The following CTNND2 variants were observed in gnomAD, a reference collection of about 807,000 sequenced individuals.
CTNND2 encodes catenin delta-2.
CTNND2 carries 22 observed loss-of-function variants against 144.4 expected under a neutral mutation model. The ratio of observed to expected loss-of-function variants is 0.15; its 90% CI spans 0.11 to 0.22. The LOEUF (loss-of-function observed/expected upper bound fraction) is 0.22. Among genes scored for constraint, CTNND2 ranks in the 10% least tolerant of loss-of-function variants. The pLI is 1.00. For missense variants in CTNND2, 1,353 were observed against 1,618.8 expected, an observed-to-expected ratio of 0.84 and a Z score of 2.82; for synonymous variants, 751 against 695.6, an observed-to-expected ratio of 1.08 and a Z score of -1.25.
intron 12 of CTNND2, among the ~76,000 whole-genome samples, chr5:11,125,143 A>G (rs1299789958): frequency 2.0e-5 from 3 of 152,162 alleles, no homozygotes; most frequent in Non-Finnish European, 4.4e-5. Flanking sequence ...GGGGTGGGGA[A>G]GGAAGGGGTG....
intron 18 of CTNND2, among the ~76,000 whole-genome samples, chr5:10,999,448 A>G (rs967178554): frequency 6.6e-6 from 1 of 152,196 alleles, no homozygotes; most frequent in African/African-American, 2.4e-5. Flanking sequence ...CCACCTGTAC[A>G]GCTCATAGGG....
intron 3 of CTNND2, among the ~76,000 whole-genome samples, chr5:11,554,901 TA>T (rs1561549780): frequency 9.4e-5 from 13 of 137,574 alleles, no homozygotes; most frequent in Admixed American, 8.3e-4. Context: ...ATGTACTGTA[TA>T]AATCAATTAT....
chr5:11,724,170 T>TC (rs398083925), intron 2 of CTNND2, among the ~76,000 whole-genome samples: 3 of 115,938 alleles, frequency 2.6e-5, no homozygotes, highest in Non-Finnish European at 4.2e-5. Context: ...TAGTTAACTA[T>TC]TGAAAGGTTT....
intron 2 of CTNND2, among the ~76,000 whole-genome samples, chr5:11,587,054 T>C (rs1778918803): frequency 6.6e-6 from 1 of 152,176 alleles, no homozygotes; most frequent in Non-Finnish European, 1.5e-5. Context: ...AAACTCTTTA[T>C]TTGGATCACA....
chr5:11,763,249 T>A (rs561268194), intron 1 of CTNND2, among the ~76,000 whole-genome samples: 13 of 152,288 alleles, frequency 8.5e-5, no homozygotes, highest in African/African-American at 3.1e-4. Context: ...CTTTTCTTTA[T>A]AAATTACCCA....
At chr5:11,327,428 G>C (rs1752639765) in intron 9 of CTNND2, among the ~76,000 whole-genome samples, 2 of 152,184 alleles carry the variant, frequency 1.3e-5, no homozygotes, top group Admixed American at 6.5e-5. Context: ...AATAGTTCCT[G>C]TGAGAAAAAT....
chr5:11,506,634 T>C (rs114323058), intron 3 of CTNND2, among the ~76,000 whole-genome samples: 1 of 152,238 alleles, frequency 6.6e-6, no homozygotes, highest in Non-Finnish European at 1.5e-5. Context: ...TTAGTATGCA[T>C]ATGTGTCCCA....
At position 11,518,732 on chromosome 5, in the gene CTNND2, A is replaced by G. The variant is rs187401035; in HGVS notation, c.287+46212T>C. Among the ~76,000 whole-genome samples the G allele has an allele frequency of 2.3e-3, 343 of 152,312 alleles. 1 individual carries two copies. The highest frequency in any genetic ancestry group is 7.8e-3 in the African/African-American group (326 of 41,576). The stretch of plus-strand genomic sequence containing the variant: ...GTGTTACAACTGCCTACAGTATTCA[A>G]TACAGTAACCTGCTGTACAGGTTTA... On this transcript the variant is annotated intron_variant, in intron 3 of 21. Transcript: ENST00000304623.
rs143134091 is a variant in CTNND2, at chr5:10,997,880, A to T, written c.3085-5203T>A. Among the ~76,000 whole-genome samples the T allele has an allele frequency of 3.3e-4, 51 of 152,348 alleles. No homozygotes were observed. In the East Asian group the frequency reaches 9.4e-3, roughly 28 times the overall value. On this transcript the variant is annotated intron_variant, in intron 18 of 21. Transcript: ENST00000304623. Reference sequence around the variant, plus strand: ...TTATTATGTTCTAAGACCTAAGGACACACTAGACCTAAATGTGGCACAGCT... The same window carrying T: ...TTATTATGTTCTAAGACCTAAGGACTCACTAGACCTAAATGTGGCACAGCT...
At chr5:11,452,837 T>C (rs1408953087) in intron 3 of CTNND2, among the ~76,000 whole-genome samples, 1 of 152,216 alleles carries the variant, frequency 6.6e-6, no homozygotes, top group Non-Finnish European at 1.5e-5. Context: ...TGTGCGCACA[T>C]TTGTCTGAAG....
At chr5:11,523,815 C>T (rs1052329417) in intron 3 of CTNND2, among the ~76,000 whole-genome samples, 1 of 152,118 alleles carries the variant, frequency 6.6e-6, no homozygotes, top group African/African-American at 2.4e-5. Context: ...GTGCCCTTGA[C>T]CACTCTGCCC....
chr5:11,308,392 C>T (rs972213801), intron 9 of CTNND2, among the ~76,000 whole-genome samples: 1 of 152,190 alleles, frequency 6.6e-6, no homozygotes, highest in Non-Finnish European at 1.5e-5. Context: ...TCTGCTGTTA[C>T]AGTGCTGCAA....
chr5:11,101,887 ATGTGTGTGTGTGTGTGTGTG>A (rs201704440), intron 14 of CTNND2, among the ~76,000 whole-genome samples: 4 of 145,188 alleles, frequency 2.8e-5, no homozygotes, highest in African/African-American at 1.0e-4. Context: ...ACGACCACAT[ATGTGTGTGTGTGTGTGTGTG>A]TGTGTGTGTG....
At chr5:11,604,401 A>G (rs1245511818) in intron 2 of CTNND2, among the ~76,000 whole-genome samples, 1 of 152,196 alleles carries the variant, frequency 6.6e-6, no homozygotes, top group African/African-American at 2.4e-5. Context: ...GTGGAAAGGA[A>G]AGCACTATTG....
intron 11 of CTNND2, among the ~76,000 whole-genome samples, chr5:11,185,219 T>G (rs1735505935): frequency 6.6e-6 from 1 of 152,208 alleles, no homozygotes; most frequent in Non-Finnish European, 1.5e-5. Context: ...AACTGAAGTT[T>G]CTCTTTCCTC....
intron 3 of CTNND2, among the ~76,000 whole-genome samples, chr5:11,547,456 T>C (rs1184740530): frequency 6.6e-6 from 1 of 152,048 alleles, no homozygotes; most frequent in Admixed American, 6.6e-5. Flanking sequence ...AAGCATTCTA[T>C]TCATCAAAGG....
At chr5:11,244,346 G>A (rs258629) in intron 9 of CTNND2, among the ~76,000 whole-genome samples, 14,356 of 142,246 alleles carry the variant, frequency 0.1, 812 homozygotes, top group South Asian at 0.15. Flanking sequence ...GTGCAGTGGC[G>A]CAATCTCGGC....
chr5:11,741,926 T>A (rs2126765586), intron 1 of CTNND2, among the ~76,000 whole-genome samples: 1 of 151,808 alleles, frequency 6.6e-6, no homozygotes, highest in South Asian at 2.1e-4. Flanking sequence ...TGGAGCCAAT[T>A]ATTCTAAGTG....
At chr5:11,094,529 G>A (rs936215707) in intron 15 of CTNND2, among the ~76,000 whole-genome samples, 1 of 149,562 alleles carries the variant, frequency 6.7e-6, no homozygotes, top group Non-Finnish European at 1.5e-5. Flanking sequence ...CACCAGGCTG[G>A]AGTGCAGTGG....
Sources: allele counts gnomAD v4.1 joint callset (sites outside exome capture counted in the v4.1 genomes callset), GRCh38; gene constraint gnomAD v4.1.1; transcripts MANE v1.5; gene names NCBI Gene and HGNC (gene_info 2026-07-23, HGNC 2026-07-21).